Variants in ZNF671 observed in about 807,000 individuals in gnomAD.
The protein encoded by ZNF671 is hypothetical protein FLJ23506.
ZNF671 carries 19 observed loss-of-function variants against 16.6 expected under a neutral mutation model. The ratio of observed to expected loss-of-function variants is 1.14; its 90% CI spans 0.80 to 1.68. ZNF671 has a LOEUF of 1.68. Among genes scored for constraint, ZNF671 ranks in the 40% most tolerant of loss-of-function variants. ZNF671 has a pLI of 0.00. For missense variants in ZNF671, 637 were observed against 659.8 expected, an observed-to-expected ratio of 0.97 and a Z score of 0.38; for synonymous variants, 238 against 236.3, an observed-to-expected ratio of 1.01 and a Z score of -0.06.
At position 57,719,777 on chromosome 19, in the gene ZNF671, T is replaced by C. The variant is rs1600047746; in HGVS notation, c.*704A>G. 1 of 152,488 alleles carries C rather than the reference T, an allele frequency of 6.6e-6. No homozygotes were observed. Among genetic ancestry groups the C allele is most frequent in the Non-Finnish European group, 1.5e-5 (1 of 68,172 alleles). The allele number at this position is 152,488 out of a possible 1,614,324, so 9.4% of individuals were successfully genotyped here. A position where few individuals can be genotyped will look rare whatever the true frequency, so the allele number is the denominator to read the frequency against. On this transcript the variant is annotated 3_prime_UTR_variant, in exon 4 of 4. Coordinates refer to ENST00000317398, the MANE Select transcript of ZNF671 (RefSeq NM_024833.3). ...GGTGGCTTAAAGAACAGGCCTTTAT[T>C]ATCATGAGCAATGTGAAGCAGGCAG...
chr19:57,726,943 T>C (rs1320802311), intron 1 of ZNF671: 1 of 158,182 alleles, frequency 6.3e-6, no homozygotes, highest in Non-Finnish European at 1.4e-5. Context: ...CACCAAAGCA[T>C]TCCTGGAATC....
Position 57,720,962 on chromosome 19 carries a change from C to T in ZNF671, c.1124G>A (p.Gly375Glu). The change falls in exon 4 of 4, where the codon GGG becomes GAG. Residue 375 changes from glycine (G) to glutamate (E), a missense_variant. Transcript: ENST00000317398. ...GERLYQCGKC[G>E]KFFSSKSNLI... ...ATTAGACTTACTGCTAAAAAATTTC[C>T]CACATTTGCCACACTGATAGAGTCT... The T allele has an allele frequency of 6.2e-7, 1 of 1,614,148 alleles. No homozygotes were observed. The highest frequency in any genetic ancestry group is 8.5e-7 in the Non-Finnish European group (1 of 1,180,006).
At position 57,720,675 on chromosome 19, in the gene ZNF671, T is replaced by C. The variant is rs1477673794; in HGVS notation, c.1411A>G (p.Lys471Glu). 1 of 1,614,194 alleles carries C rather than the reference T, an allele frequency of 6.2e-7. No individual in the cohort carries two copies. The highest frequency in any genetic ancestry group is 1.1e-5 in the South Asian group (1 of 91,082). The change falls in exon 4 of 4, where the codon AAA (lysine) becomes GAA (glutamate). Residue 471 changes from lysine to glutamate, a missense_variant. Transcript: ENST00000317398. ...SCISKLIQHQKVHSGEKPYEC... is the reference protein window; with the variant it reads ...SCISKLIQHQEVHSGEKPYEC... ...TAAGGCTTTTCTCCAGAGTGAACTT[T>C]CTGGTGCTGAATGAGTTTGGAGATG...
In ZNF671 at chr19:57,723,260, C is replaced by A; in HGVS notation, c.219G>T (p.Leu73Phe). The change falls in exon 2 of 4, where the codon TTG becomes TTT. Residue 73 changes from leucine to phenylalanine, a missense_variant. Leu to Phe is a conservative substitution (Grantham distance 22, BLOSUM62 0). Coordinates refer to ENST00000317398, the MANE Select transcript of ZNF671 (RefSeq NM_024833.3). Reference sequence around the variant, plus strand: ...AGTTCTCCAGCATCACATCATGGTACAAAAGTCTCTGAGCATCATCAAGAA... The same window carrying A: ...AGTTCTCCAGCATCACATCATGGTAAAAAAGTCTCTGAGCATCATCAAGAA... ...WELLDDAQRL[L>F]YHDVMLENFA... The A allele has an allele frequency of 6.2e-7, 1 of 1,613,790 alleles. No individual in the cohort carries two copies. The highest frequency in any genetic ancestry group is 8.5e-7 in the Non-Finnish European group (1 of 1,179,764).
chr19:57,727,461 G>A lies in ZNF671; in HGVS notation c.68C>T (p.Ser23Leu), dbSNP rs886567734. The change falls in exon 1 of 4, where the codon TCG (serine) becomes TTG (leucine). Residue 23 changes from serine to leucine, a missense_variant. Coordinates refer to ENST00000317398, the MANE Select transcript of ZNF671 (RefSeq NM_024833.3). ...AGCTGCCGGGAGCGGCAGGCGTCTC[G>A]ATCGGGGACGCAGGCACTTCCGTCC... ...LQGRKCLRPR[S>L]RRLPLPAAVR... 9 of 1,612,956 alleles carry A rather than the reference G, an allele frequency of 5.6e-6. No homozygotes were observed. The highest frequency in any genetic ancestry group is 6.8e-6 in the Non-Finnish European group (8 of 1,179,682).
Position 57,720,378 on chromosome 19 carries a change from A to G in ZNF671, c.*103T>C, listed in dbSNP as rs1235307182. On this transcript the variant is annotated 3_prime_UTR_variant, in exon 4 of 4. Coordinates refer to ENST00000317398, the MANE Select transcript of ZNF671 (RefSeq NM_024833.3). ...CGGGTAAGGTTCAGCCTCCAGGGGA[A>G]GGCTTTCCTGCATCTGCTGCACTCA... 1.4e-6 allele frequency: 2 copies of G among 1,468,730 alleles called. No homozygotes were observed. The highest frequency in any genetic ancestry group is 1.8e-6 in the Non-Finnish European group (2 of 1,095,542). 91.0% of individuals were successfully genotyped at this position (1,468,730 alleles called of 1,614,324 possible).
intron 1 of ZNF671, among the ~76,000 whole-genome samples, chr19:57,725,230 G>A (rs1032800097): frequency 1.3e-5 from 2 of 151,700 alleles, no homozygotes; most frequent in African/African-American, 2.4e-5. Context: ...TTGGGAGGCC[G>A]AGGCGGGTGG....
chr19:57,723,263 A>G lies in ZNF671; in HGVS notation c.216T>C (p.Leu72=). Residue 72 remains leucine (L), a synonymous_variant, in exon 2 of 4, where the codon CTT becomes CTC. Coordinates refer to ENST00000317398, the MANE Select transcript of ZNF671 (RefSeq NM_024833.3). ...TCTCCAGCATCACATCATGGTACAAAAGTCTCTGAGCATCATCAAGAAGCT... is the reference window on the plus strand; with the variant it reads ...TCTCCAGCATCACATCATGGTACAAGAGTCTCTGAGCATCATCAAGAAGCT... The part of the protein sequence containing the change: ...EWELLDDAQR[L]LYHDVMLENF... 1 of 1,613,810 alleles carries G rather than the reference A, an allele frequency of 6.2e-7. No individual in the cohort carries two copies. Among genetic ancestry groups the G allele is most frequent in the Non-Finnish European group, 8.5e-7 (1 of 1,179,804 alleles).
chr19:57,723,309 T>G lies in ZNF671; in HGVS notation c.170A>C (p.Tyr57Ser). The G allele has an allele frequency of 6.2e-7, 1 of 1,613,228 alleles. No individual in the cohort carries two copies. Among genetic ancestry groups the G allele is most frequent in the South Asian group, 1.1e-5 (1 of 90,992 alleles). ...GCVVFEDVFV[Y>S]FSREEWELLD... ...AAGCTCCCATTCTTCCCGAGAGAAG[T>G]ATACAAACACATCCTCAAAGACCAC... Residue 57 changes from tyrosine to serine, a missense_variant, in exon 2 of 4, where the codon TAC becomes TCC. By Grantham distance (144) the Tyr-to-Ser change is moderately radical. Transcript: ENST00000317398.
chr19:57,721,962 G>C, intron 3 of ZNF671: 1 of 569,630 alleles, frequency 1.8e-6, no homozygotes. Context: ...AGTGACTCGT[G>C]AGTGCTATGA....
At chr19:57,723,800 G>A (rs1166979528) in intron 1 of ZNF671, among the ~76,000 whole-genome samples, 2 of 144,674 alleles carry the variant, frequency 1.4e-5, no homozygotes, top group Non-Finnish European at 3.0e-5. Flanking sequence ...AGTGCTTGCC[G>A]AAGGCAGATC....
At chr19:57,725,770 A>G (rs1311396920) in intron 1 of ZNF671, among the ~76,000 whole-genome samples, 2 of 151,314 alleles carry the variant, frequency 1.3e-5, no homozygotes, top group Non-Finnish European at 3.0e-5. Context: ...AACTCTATCT[A>G]ATAAAATACA....
At position 57,720,390 on chromosome 19, in the gene ZNF671, A is replaced by G; in HGVS notation, c.*91T>C. On this transcript the variant is annotated 3_prime_UTR_variant, in exon 4 of 4. Coordinates refer to ENST00000317398, the MANE Select transcript of ZNF671 (RefSeq NM_024833.3). ...AGCCTCCAGGGGAAGGCTTTCCTGCATCTGCTGCACTCATTAACTACTGCT... is the reference window on the plus strand; with the variant it reads ...AGCCTCCAGGGGAAGGCTTTCCTGCGTCTGCTGCACTCATTAACTACTGCT... The G allele has an allele frequency of 6.7e-7, 1 of 1,500,884 alleles. No individual in the cohort carries two copies. The highest frequency in any genetic ancestry group is 1.3e-5 in the South Asian group (1 of 76,328). 93.0% of individuals were successfully genotyped at this position (1,500,884 alleles called of 1,614,324 possible).
In ZNF671 at chr19:57,721,187, A is replaced by T. The variant is rs1985855287; in HGVS notation, c.899T>A (p.Leu300His). 1 of 1,612,932 alleles carries T rather than the reference A, an allele frequency of 6.2e-7. No individual in the cohort carries two copies. Among genetic ancestry groups the T allele is most frequent in the Middle Eastern group, 1.7e-4 (1 of 6,058 alleles). ...CGKAFTRKDT[L>H]ARHQRIHTGE... The stretch of plus-strand genomic sequence containing the variant: ...AGTGTGGATTCTCTGATGCCGAGCA[A>T]GTGTGTCTTTGCGGGTGAAGGCTTT... Residue 300 changes from leucine to histidine, a missense_variant, in exon 4 of 4, where the codon CTT (leucine) becomes CAT (histidine). Physicochemically the swap from Leu to His is moderately conservative, Grantham distance 99. Transcript: ENST00000317398.
intron 2 of ZNF671, 98 bp downstream of exon 2, chr19:57,723,116 T>A (rs1022910092): frequency 1.3e-6 from 2 of 1,484,588 alleles, no homozygotes; most frequent in African/African-American, 2.8e-5. Flanking sequence ...CCTGGCATCT[T>A]GAGCACCTAC....
At chr19:57,723,724 C>G (rs1298663798) in intron 1 of ZNF671, among the ~76,000 whole-genome samples, 1 of 151,944 alleles carries the variant, frequency 6.6e-6, no homozygotes, top group Admixed American at 6.6e-5. Flanking sequence ...CCAGCTTCCC[C>G]CCCACCCTAC....
chr19:57,721,536 C>CA lies in ZNF671; in HGVS notation c.549dup (p.Gly184TrpfsTer25). The CA allele has an allele frequency of 6.2e-7, 1 of 1,614,210 alleles. No homozygotes were observed. Among genetic ancestry groups the CA allele is most frequent in the Non-Finnish European group, 8.5e-7 (1 of 1,180,036 alleles). Reference sequence around the variant, plus strand: ...TATGGTTTCTGCCTGGCTTTTCCCCCATGGTATTTAGCCAGGTGTAAGGTA... The same window carrying CA: ...TATGGTTTCTGCCTGGCTTTTCCCCCAATGGTATTTAGCCAGGTGTAAGGTA... On this transcript the variant is annotated frameshift_variant, in exon 4 of 4. Coordinates refer to ENST00000317398, the MANE Select transcript of ZNF671 (RefSeq NM_024833.3). LOFTEE classifies it low-confidence loss of function (END_TRUNC).
intron 1 of ZNF671, among the ~76,000 whole-genome samples, chr19:57,726,265 T>C (rs1481467201): frequency 1.3e-5 from 2 of 151,010 alleles, no homozygotes; most frequent in African/African-American, 4.9e-5. Context: ...GAGGTTGCAA[T>C]AAGCCACTGC....
At chr19:57,725,086 A>T (rs1405016174) in intron 1 of ZNF671, among the ~76,000 whole-genome samples, 1 of 152,200 alleles carries the variant, frequency 6.6e-6, no homozygotes. Context: ...GAAGCACCTT[A>T]AATCTTTGGC....
Sources: gnomAD v4.1 joint callset for allele counts (sites outside exome capture counted in the v4.1 genomes callset) on GRCh38, gnomAD v4.1.1 for gene constraint, MANE v1.5 for transcripts, NCBI Gene and HGNC (gene_info 2026-07-23, HGNC 2026-07-21) for gene names.